The following SNAP91 variants were observed in gnomAD, a reference collection of about 807,000 sequenced individuals.
SNAP91 encodes the protein clathrin coat assembly protein AP180.
Under a neutral mutation model 100.3 loss-of-function variants are expected in SNAP91, and 27 were observed. That is an observed-to-expected ratio of 0.27 (90% CI 0.20 to 0.37). The LOEUF is 0.37. Among genes scored for constraint, SNAP91 ranks in the 10% least tolerant of loss-of-function variants. The probability of loss-of-function intolerance (pLI) is 1.00; values close to 1 mark genes in which losing one functional copy is unlikely to be tolerated. For synonymous variants in SNAP91, 404 were observed against 398.6 expected (o/e 1.01, Z -0.16); for missense variants, 986 against 1,123.7 (o/e 0.88, Z 1.75).
chr6:83,595,221 C>T (rs942006824), intron 16 of SNAP91, among the ~76,000 whole-genome samples: 2 of 152,100 alleles, frequency 1.3e-5, no homozygotes, highest in African/African-American at 2.4e-5. Context: ...CCTTGAAAAG[C>T]ATTTTCAAAC....
At position 83,556,234 on chromosome 6, in the gene SNAP91, G is replaced by T. The variant is rs1353144709; in HGVS notation, c.2643C>A (p.Ser881Arg). The change falls in exon 29 of 30, where the codon AGC becomes AGA. Residue 881 changes from serine (S) to arginine (R), a missense_variant. Ser to Arg is a moderately radical substitution (Grantham distance 110). Coordinates refer to ENST00000369694, the MANE Select transcript of SNAP91 (RefSeq NM_001242792.2). ...TGGGACTCTGACTGGCAGGTGTAGG[G>T]CTTGGAGAAAGCTAATGGGAAAAAG... is the stretch of plus-strand genomic sequence containing the variant. ...AAVPGTQLSP[S>R]PTPASQSPKK... 6.5e-7 allele frequency: 1 copy of T among 1,528,792 alleles called. No homozygotes were observed. Among genetic ancestry groups the T allele is most frequent in the East Asian group, 2.6e-5 (1 of 38,660 alleles). The allele number at this position is 1,528,792 out of a possible 1,614,324, so 94.7% of individuals were successfully genotyped here.
At chr6:83,630,979 G>A (rs1476186573) in intron 8 of SNAP91, among the ~76,000 whole-genome samples, 1 of 151,976 alleles carries the variant, frequency 6.6e-6, no homozygotes, top group Non-Finnish European at 1.5e-5. Flanking sequence ...GGCATTTAGG[G>A]CTATGACCTT....
chr6:83,679,429 A>G (rs946580723), intron 2 of SNAP91, among the ~76,000 whole-genome samples: 10 of 152,314 alleles, frequency 6.6e-5, no homozygotes, highest in Admixed American at 3.3e-4. Flanking sequence ...ACATTTGCTG[A>G]TAAGTAAATT....
At chr6:83,614,148 T>C (rs1364666777) in intron 11 of SNAP91, among the ~76,000 whole-genome samples, 1 of 152,116 alleles carries the variant, frequency 6.6e-6, no homozygotes, top group Non-Finnish European at 1.5e-5. Flanking sequence ...CAGAAAAAAA[T>C]ACAGATGTGA....
intron 26 of SNAP91, among the ~76,000 whole-genome samples, chr6:83,573,953 G>C (rs916523588): frequency 1.3e-5 from 2 of 152,124 alleles, no homozygotes; most frequent in Non-Finnish European, 2.9e-5. Context: ...TTGACCAATG[G>C]GATCTAATTA....
intron 7 of SNAP91, among the ~76,000 whole-genome samples, chr6:83,645,034 T>C (rs2097860022): frequency 6.6e-6 from 1 of 152,152 alleles, no homozygotes; most frequent in Non-Finnish European, 1.5e-5. Context: ...AGCATGACTT[T>C]GGCCCTTATT....
intron 23 of SNAP91, among the ~76,000 whole-genome samples, 175 bp downstream of exon 23, chr6:83,582,047 T>C (rs1294666650): frequency 6.6e-6 from 1 of 151,666 alleles, no homozygotes; most frequent in Non-Finnish European, 1.5e-5. Flanking sequence ...GATACCAATG[T>C]GTACTATAAA....
chr6:83,601,086 T>C (rs571125076), intron 16 of SNAP91, among the ~76,000 whole-genome samples, 185 bp downstream of exon 16: 1 of 152,268 alleles, frequency 6.6e-6, no homozygotes, highest in African/African-American at 2.4e-5. Context: ...TGCTATAAAA[T>C]TACTAAAATT....
At chr6:83,593,109 G>GT (rs1328513429) in intron 19 of SNAP91, 73 bp downstream of exon 19, 1 of 1,507,070 alleles carries the variant, frequency 6.6e-7, no homozygotes, top group Non-Finnish European at 9.0e-7. Flanking sequence ...ATTATCACAG[G>GT]TGAGTACAAA....
At chr6:83,581,633 C>T (rs1217327883) in intron 23 of SNAP91, among the ~76,000 whole-genome samples, 1 of 152,166 alleles carries the variant, frequency 6.6e-6, no homozygotes, top group Non-Finnish European at 1.5e-5. Context: ...ACCAAATTGT[C>T]AGGCAGAGGA....
intron 17 of SNAP91, 140 bp downstream of exon 17, chr6:83,594,234 G>T: frequency 1.5e-6 from 1 of 672,882 alleles, no homozygotes; most frequent in Non-Finnish European, 2.5e-6. Context: ...TTAAATGCTG[G>T]CATTATTTAT....
At chr6:83,642,553 T>C (rs1380524885) in intron 7 of SNAP91, among the ~76,000 whole-genome samples, 4 of 152,252 alleles carry the variant, frequency 2.6e-5, no homozygotes, top group Non-Finnish European at 2.9e-5. Flanking sequence ...TATTCCACAG[T>C]GTATATGTGC....
At position 83,592,485 on chromosome 6, in the gene SNAP91, C is replaced by A; in HGVS notation, c.1900G>T (p.Asp634Tyr). Residue 634 changes from aspartate to tyrosine, a missense_variant, in exon 21 of 30, where the codon GAT becomes TAT. By Grantham distance (160) the Asp-to-Tyr change is radical. Transcript: ENST00000369694. The part of the protein sequence containing the change: ...PATTASPAKV[D>Y]SSGVIDLFGD... Reference sequence around the variant, plus strand: ...AAAAGGTCTATGACACCTGAAGAATCCACCTTTGCTGGCGAGGCAGTGGTT... The same window carrying A: ...AAAAGGTCTATGACACCTGAAGAATACACCTTTGCTGGCGAGGCAGTGGTT... 6.2e-7 allele frequency: 1 copy of A among 1,612,436 alleles called. No individual in the cohort carries two copies. Among genetic ancestry groups the A allele is most frequent in the Non-Finnish European group, 8.5e-7 (1 of 1,179,218 alleles).
intron 2 of SNAP91, among the ~76,000 whole-genome samples, chr6:83,669,297 C>T (rs567904775): frequency 3.3e-5 from 5 of 151,558 alleles, no homozygotes; most frequent in African/African-American, 1.2e-4. Flanking sequence ...TACTCTCTCA[C>T]CAAAAAGATA....
At chr6:83,663,529 C>T (rs2098605576) in intron 3 of SNAP91, among the ~76,000 whole-genome samples, 1 of 152,126 alleles carries the variant, frequency 6.6e-6, no homozygotes, top group Non-Finnish European at 1.5e-5. Flanking sequence ...CTACAACATT[C>T]CCTCAAGCCA....
At chr6:83,618,109 T>A (rs1040878438) in intron 9 of SNAP91, among the ~76,000 whole-genome samples, 7 of 151,906 alleles carry the variant, frequency 4.6e-5, no homozygotes, top group African/African-American at 1.7e-4. Context: ...TAAAAATCTT[T>A]AATTTTGAAA....
chr6:83,687,159 T>C (rs1022052457), intron 2 of SNAP91, among the ~76,000 whole-genome samples: 4 of 152,192 alleles, frequency 2.6e-5, no homozygotes, highest in Admixed American at 2.0e-4. Context: ...TGATGAGTTC[T>C]TGTAATATAG....
chr6:83,607,646 C>A, intron 13 of SNAP91, 53 bp downstream of exon 13: 1 of 1,208,940 alleles, frequency 8.3e-7, no homozygotes, highest in Admixed American at 2.2e-5. Context: ...AAAAATAAAA[C>A]CAAACTCTAA....
intron 2 of SNAP91, among the ~76,000 whole-genome samples, chr6:83,685,472 A>C (rs2099048333): frequency 1.3e-5 from 2 of 152,220 alleles, no homozygotes. Flanking sequence ...ACATAAGAAT[A>C]ATCACTAATT....
Sources: gnomAD v4.1 joint callset for allele counts (sites outside exome capture counted in the v4.1 genomes callset) on GRCh38, gnomAD v4.1.1 for gene constraint, MANE v1.5 for transcripts, NCBI Gene and HGNC (gene_info 2026-07-23, HGNC 2026-07-21) for gene names.